Variants in NBR1 observed in about 807,000 individuals in gnomAD.
NBR1 encodes the protein NBR1 autophagy cargo receptor.
In NBR1, 59 loss-of-function variants were observed where a neutral mutation model predicts 115.5. The observed-to-expected ratio is 0.51, with a 90% CI of 0.41 to 0.63. NBR1 has a LOEUF of 0.63. Ranked by LOEUF, NBR1 falls within the 30% of genes least tolerant of loss-of-function variation. The probability of loss-of-function intolerance (pLI) is 0.00; values close to 1 mark genes in which losing one functional copy is unlikely to be tolerated. For synonymous variants in NBR1, 373 were observed against 414.7 expected (o/e 0.90, Z 1.22); for missense variants, 1,043 against 1,150.5 (o/e 0.91, Z 1.35).
rs1472842158 is a variant in NBR1 at position 43,209,902 on chromosome 17, C to T, written c.2729C>T (p.Pro910Leu). 1.3e-6 allele frequency: 2 copies of T among 1,529,900 alleles called. No homozygotes were observed. Among genetic ancestry groups the T allele is most frequent in the African/African-American group, 2.8e-5 (2 of 71,118 alleles). The allele number at this position is 1,529,900 out of a possible 1,614,324, so 94.8% of individuals were successfully genotyped here. ...TTTGCTTTGCTTGTCTCTACACAGCCAATAATTTCTGAAGATCAGACAGCA... is the reference window on the plus strand; with the variant it reads ...TTTGCTTTGCTTGTCTCTACACAGCTAATAATTTCTGAAGATCAGACAGCA... ...LFAGPPVTAQ[P>L]IISEDQTAAL... Residue 910 changes from proline to leucine, a missense_variant and splice_region_variant, in exon 21 of 21, where the codon CCA becomes CTA. Physicochemically the swap from Pro to Leu is moderately conservative, Grantham distance 98 (BLOSUM62 -3). Transcript: ENST00000590996.
At chr17:43,185,994 T>C (rs557309641) in intron 5 of NBR1, among the ~76,000 whole-genome samples, 33 of 146,456 alleles carry the variant, frequency 2.3e-4, no homozygotes, top group African/African-American at 7.8e-4. Flanking sequence ...AGAGCAAAAC[T>C]CCGTCTCAAA....
At chr17:43,181,391 G>A (rs1030042890) in intron 5 of NBR1, among the ~76,000 whole-genome samples, 9 of 152,166 alleles carry the variant, frequency 5.9e-5, no homozygotes, top group African/African-American at 2.2e-4. Flanking sequence ...CAAATAACTG[G>A]CCAGGCGTGG....
Position 43,196,454 on chromosome 17 carries a change from G to A in NBR1, c.1751-27G>A, listed in dbSNP as rs750231488. The A allele has an allele frequency of 6.0e-5, 81 of 1,361,236 alleles. 1 individual carries two copies. The South Asian group carries it at 1.1e-3, about 18-fold the overall frequency. 84.3% of individuals were successfully genotyped at this position (1,361,236 alleles called of 1,614,324 possible). On this transcript the variant is annotated intron_variant, in intron 14 of 20. Transcript: ENST00000590996. ...GATGATATGATGCTTTCTCTTGATT[G>A]ATGGTTCTCCTGTCTTCATTCTCCA... is the stretch of plus-strand genomic sequence containing the variant.
intron 8 of NBR1, 87 bp downstream of exon 8, chr17:43,189,889 A>C (rs2056902144): frequency 8.8e-7 from 1 of 1,130,300 alleles, no homozygotes; most frequent in Non-Finnish European, 1.3e-6. Context: ...AGGGAAATTA[A>C]TTGTACCCTG....
At position 43,202,663 on chromosome 17, in the gene NBR1, G is replaced by A; in HGVS notation, c.2572G>A (p.Gly858Ser). ...VPDQIRGEPR[G>S]SSGLVNSRQK... ...AGCTCTTTTGCTTTTAGAGCCCAGA[G>A]GCTCATCAGGACTTGTAAACAGCAG... Residue 858 changes from glycine to serine, a missense_variant, in exon 19 of 21, where the codon GGC becomes AGC. Coordinates refer to ENST00000590996, the MANE Select transcript of NBR1 (RefSeq NM_005899.5). 1 of 1,575,028 alleles carries A rather than the reference G, an allele frequency of 6.3e-7. No homozygotes were observed. Among genetic ancestry groups the A allele is most frequent in the Non-Finnish European group, 8.6e-7 (1 of 1,158,812 alleles).
chr17:43,205,904 G>T (rs1477304698), intron 20 of NBR1, among the ~76,000 whole-genome samples: 1 of 144,822 alleles, frequency 6.9e-6, no homozygotes, highest in Non-Finnish European at 1.5e-5. Context: ...AAAAGGCTGG[G>T]TGTGGTGGCT....
intron 4 of NBR1, 41 bp from the exon 5 acceptor site, chr17:43,180,754 G>A: frequency 7.0e-7 from 1 of 1,423,768 alleles, no homozygotes; most frequent in Non-Finnish European, 9.2e-7. Flanking sequence ...CTTTTGGGGT[G>A]TGTGAAGAAG....
In NBR1 at chr17:43,196,574, G is replaced by T; in HGVS notation, c.1844G>T (p.Gly615Val). ...ATAGAGGAAGAGAATGAAGGGGCAG[G>T]ATTTAAAGCACTTCCTGGTAAGGGA... ...GQIEEENEGA[G>V]FKALPDSMVS... is the part of the protein sequence containing the mutation. The change falls in exon 15 of 21, where the codon GGA becomes GTA. Residue 615 changes from glycine to valine, a missense_variant. Coordinates refer to ENST00000590996, the MANE Select transcript of NBR1 (RefSeq NM_005899.5). The T allele has an allele frequency of 6.2e-7, 1 of 1,601,502 alleles. No homozygotes were observed. The highest frequency in any genetic ancestry group is 8.5e-7 in the Non-Finnish European group (1 of 1,174,154).
In NBR1 at chr17:43,209,732, C is replaced by T. The variant is rs148832066; in HGVS notation, c.2728-169C>T. ...AAAATAGGGCCTTCCCAGTCCGAAC[C>T]GTTGGTATCAAGTACACAGGAGTGC... On this transcript the variant is annotated intron_variant, in intron 20 of 20. Coordinates refer to ENST00000590996, the MANE Select transcript of NBR1 (RefSeq NM_005899.5). 1.6e-3 allele frequency: 2,417 copies of T among 1,524,686 alleles called. 30 individuals carry two copies. The Admixed American group carries it at 0.024, about 15-fold the overall frequency. 94.4% of individuals were successfully genotyped at this position (1,524,686 alleles called of 1,614,324 possible). A position where few individuals can be genotyped will look rare whatever the true frequency, so the allele number is the denominator to read the frequency against.
intron 16 of NBR1, among the ~76,000 whole-genome samples, chr17:43,197,887 C>T (rs2057105490): frequency 6.6e-6 from 1 of 152,182 alleles, no homozygotes; most frequent in Admixed American, 6.5e-5. Context: ...CACAGTGGCT[C>T]ACCCTTGTAA....
intron 5 of NBR1, among the ~76,000 whole-genome samples, chr17:43,181,468 A>C (rs1422970928): frequency 1.3e-5 from 2 of 150,748 alleles, no homozygotes; most frequent in African/African-American, 4.9e-5. Flanking sequence ...TCAGGAGATC[A>C]AGACCATCCT....
rs1438354621 is a variant in NBR1, at chr17:43,193,488, T to C, written c.1374T>C (p.His458=). ...APALEGTYTS[H]WRLSHKGQQF... is the part of the protein sequence containing the mutation. Reference sequence around the variant, plus strand: ...CCTTGGAGGGAACGTATACTTCCCATTGGCGTCTTTCTCACAAAGGCCAGC... The same window carrying C: ...CCTTGGAGGGAACGTATACTTCCCACTGGCGTCTTTCTCACAAAGGCCAGC... The change falls in exon 12 of 21, where the codon CAT becomes CAC. Residue 458 remains histidine (H), a synonymous_variant. Coordinates refer to ENST00000590996, the MANE Select transcript of NBR1 (RefSeq NM_005899.5). The C allele has an allele frequency of 1.2e-5, 20 of 1,613,920 alleles. No homozygotes were observed. Among genetic ancestry groups the C allele is most frequent in the Non-Finnish European group, 1.5e-5 (18 of 1,179,848 alleles).
At chr17:43,202,634 C>A in intron 18 of NBR1, 21 bp from the exon 19 acceptor site, 1 of 1,558,426 alleles carries the variant, frequency 6.4e-7, no homozygotes. Context: ...TGCATCTAAC[C>A]AACAGCTCTT....
chr17:43,184,734 T>C (rs1321658013), intron 5 of NBR1, among the ~76,000 whole-genome samples: 1 of 152,162 alleles, frequency 6.6e-6, no homozygotes, highest in African/African-American at 2.4e-5. Context: ...TTCTTGAGTT[T>C]TGTTAGTCTA....
In NBR1 at chr17:43,200,449, TTGAGGCTGGGCAGGAACCAGC is replaced by T. The variant is rs1422826263; in HGVS notation, c.2320_2340del (p.Gln774_Gly780del). 1.2e-6 allele frequency: 2 copies of T among 1,612,962 alleles called. No homozygotes were observed. Among genetic ancestry groups the T allele is most frequent in the Non-Finnish European group, 1.7e-6 (2 of 1,179,488 alleles). On this transcript the variant is annotated inframe_deletion, in exon 17 of 21. Transcript: ENST00000590996. ...CGAGGTGCTGAAGGCAAGCCTGGGG[TTGAGGCTGGGCAGGAACCAGC>T]TGAGGCTGGGGAAAGACTCCCTGGA...
At chr17:43,209,826 T>G (rs1460101015) in intron 20 of NBR1, 75 bp from the exon 21 acceptor site, 2 of 1,460,352 alleles carry the variant, frequency 1.4e-6, no homozygotes, top group African/African-American at 2.9e-5. Flanking sequence ...TGCAAGATGA[T>G]ACAAATGTAT....
In NBR1 at chr17:43,180,777, T is replaced by C. The variant is rs1203227157; in HGVS notation, c.185-18T>C. On this transcript the variant is annotated intron_variant, in intron 4 of 20. Coordinates refer to ENST00000590996, the MANE Select transcript of NBR1 (RefSeq NM_005899.5). ...GTGTGTGAAGAAGTATCATGGTGTA[T>C]ATTTTTTGTTCTTTTAGGAGAATAT... 6.8e-7 allele frequency: 1 copy of C among 1,460,646 alleles called. No individual in the cohort carries two copies. The allele number at this position is 1,460,646 out of a possible 1,614,324, so 90.5% of individuals were successfully genotyped here. A position where few individuals can be genotyped will look rare whatever the true frequency, so the allele number is the denominator to read the frequency against.
At chr17:43,199,026 A>T (rs769381136) in intron 16 of NBR1, among the ~76,000 whole-genome samples, 3 of 152,158 alleles carry the variant, frequency 2.0e-5, no homozygotes, top group Non-Finnish European at 4.4e-5. Context: ...ACATAACAAA[A>T]AGGTCTGGAA....
chr17:43,210,361 G>C lies in NBR1; in HGVS notation c.*287G>C. The C allele has an allele frequency of 2.5e-6, 1 of 392,650 alleles. No homozygotes were observed. The highest frequency in any genetic ancestry group is 4.5e-6 in the Non-Finnish European group (1 of 222,946). The allele number at this position is 392,650 out of a possible 1,614,324, so 24.3% of individuals were successfully genotyped here. A position where few individuals can be genotyped will look rare whatever the true frequency, so the allele number is the denominator to read the frequency against. ...ACAAGTGTAACTTCAACTTCATATA[G>C]AACCATTTTTCTTTCTGCTTTTATT... On this transcript the variant is annotated 3_prime_UTR_variant, in exon 21 of 21. Transcript: ENST00000590996.
Sources: allele counts gnomAD v4.1 joint callset (sites outside exome capture counted in the v4.1 genomes callset), GRCh38; gene constraint gnomAD v4.1.1; transcripts MANE v1.5; gene names NCBI Gene and HGNC (gene_info 2026-07-23, HGNC 2026-07-21).